PRKD1: variants seen among roughly 807,000 people sequenced by gnomAD.
PRKD1 encodes the protein serine/threonine-protein kinase D1.
A neutral mutation model predicts 95.9 loss-of-function variants in PRKD1; 63 were observed. The ratio of observed to expected loss-of-function variants is 0.66; its 90% CI spans 0.54 to 0.81. PRKD1 has a LOEUF of 0.81. PRKD1 is among the 30% of genes least tolerant of loss of function. The pLI is 0.00. For missense variants in PRKD1, 1,048 were observed against 1,165.3 expected, an observed-to-expected ratio of 0.90 and a Z score of 1.47; for synonymous variants, 425 against 423.1, an observed-to-expected ratio of 1.00 and a Z score of -0.05.
At chr14:29,853,002 AT>A (rs1343763658) in intron 1 of PRKD1, among the ~76,000 whole-genome samples, 1 of 152,206 alleles carries the variant, frequency 6.6e-6, no homozygotes, top group Non-Finnish European at 1.5e-5. Context: ...CTCACTTTAG[AT>A]TGAAAAACAC....
intron 1 of PRKD1, among the ~76,000 whole-genome samples, chr14:29,857,933 G>A (rs1017860254): frequency 1.3e-5 from 2 of 152,128 alleles, no homozygotes; most frequent in Non-Finnish European, 2.9e-5. Context: ...GAACCAGAGT[G>A]GAGTCTCCTA....
At chr14:29,837,039 T>C (rs1891636081) in intron 1 of PRKD1, among the ~76,000 whole-genome samples, 1 of 152,194 alleles carries the variant, frequency 6.6e-6, no homozygotes, top group Admixed American at 6.5e-5. Context: ...ATATACTTCC[T>C]TACCCAGTAA....
chr14:29,692,493 A>T (rs557744667), intron 2 of PRKD1, among the ~76,000 whole-genome samples: 2 of 152,246 alleles, frequency 1.3e-5, no homozygotes, highest in South Asian at 4.1e-4. Context: ...GCTTTTTAGG[A>T]AGGAATTGCT....
At chr14:29,705,913 T>C (rs988176699) in intron 2 of PRKD1, among the ~76,000 whole-genome samples, 6 of 152,150 alleles carry the variant, frequency 3.9e-5, no homozygotes, top group African/African-American at 9.6e-5. Flanking sequence ...TAATTAATAA[T>C]GCTACTATGA....
At chr14:29,887,689 C>A (rs999091040) in intron 1 of PRKD1, among the ~76,000 whole-genome samples, 1 of 152,076 alleles carries the variant, frequency 6.6e-6, no homozygotes, top group Non-Finnish European at 1.5e-5. Context: ...ATTGTAATAC[C>A]CTATTTTAAT....
chr14:29,845,153 G>T (rs948491568), intron 1 of PRKD1, among the ~76,000 whole-genome samples: 3 of 152,084 alleles, frequency 2.0e-5, no homozygotes, highest in African/African-American at 4.8e-5. Context: ...TACAATGCTG[G>T]ATAATATTTA....
At position 29,927,619 on chromosome 14, in the gene PRKD1, G is replaced by C; in HGVS notation, c.-107C>G. ...AGGAGCTTCTTTCTCCGAGAGCCCA[G>C]ACGGAAAATAAAAACTTTCCGGAAA... On this transcript the variant is annotated 5_prime_UTR_variant, in exon 1 of 18. Transcript: ENST00000331968. 1 of 920,030 alleles carries C rather than the reference G, an allele frequency of 1.1e-6. No homozygotes were observed. Among genetic ancestry groups the C allele is most frequent in the Non-Finnish European group, 1.3e-6 (1 of 754,018 alleles). 57.0% of individuals were successfully genotyped at this position (920,030 alleles called of 1,614,324 possible).
intron 1 of PRKD1, among the ~76,000 whole-genome samples, chr14:29,757,347 A>C (rs1887752486): frequency 6.6e-6 from 1 of 152,178 alleles, no homozygotes; most frequent in South Asian, 2.1e-4. Flanking sequence ...AGCTAAATGC[A>C]AGGTGCCAGG....
intron 2 of PRKD1, among the ~76,000 whole-genome samples, chr14:29,707,934 C>T (rs1885167240): frequency 6.6e-6 from 1 of 152,156 alleles, no homozygotes; most frequent in East Asian, 1.9e-4. Flanking sequence ...TCAAAAATAT[C>T]TGGCTAATGA....
At chr14:29,581,486 ATGTAAGTTGGTCAAAGTCAGACAGC>A (rs1298367544) in intron 16 of PRKD1, among the ~76,000 whole-genome samples, 2 of 152,120 alleles carry the variant, frequency 1.3e-5, no homozygotes, top group Non-Finnish European at 2.9e-5. Flanking sequence ...TCAAAAGGCC[ATGTAAGTTGGTCAAAGTCAGACAGC>A]TCCTAGGCAA....
intron 6 of PRKD1, among the ~76,000 whole-genome samples, chr14:29,637,031 C>G (rs943569171): frequency 5.3e-5 from 8 of 152,070 alleles, no homozygotes; most frequent in African/African-American, 1.2e-4. Context: ...TTTTCCCAAG[C>G]CTGAAAACAT....
chr14:29,624,581 A>T (rs1269682171), intron 12 of PRKD1, among the ~76,000 whole-genome samples: 5 of 152,152 alleles, frequency 3.3e-5, no homozygotes, highest in Non-Finnish European at 7.4e-5. Flanking sequence ...TATTTGTATC[A>T]CCACCAAATT....
intron 2 of PRKD1, among the ~76,000 whole-genome samples, chr14:29,682,316 A>C (rs1475949694): frequency 2.0e-5 from 3 of 152,208 alleles, no homozygotes; most frequent in Admixed American, 2.0e-4. Context: ...GTAGGAGAGA[A>C]GATACAAATG....
chr14:29,586,735 G>A (rs908297110), intron 16 of PRKD1, among the ~76,000 whole-genome samples: 2 of 152,072 alleles, frequency 1.3e-5, no homozygotes, highest in African/African-American at 4.8e-5. Flanking sequence ...TCTGCCTCCA[G>A]GGTTCAAGCA....
At chr14:29,806,181 A>G (rs1259621817) in intron 1 of PRKD1, among the ~76,000 whole-genome samples, 1 of 152,240 alleles carries the variant, frequency 6.6e-6, no homozygotes, top group African/African-American at 2.4e-5. Context: ...AACAAGAGCC[A>G]TGATTATTCC....
chr14:29,839,996 A>G (rs948624324), intron 1 of PRKD1, among the ~76,000 whole-genome samples: 5 of 151,934 alleles, frequency 3.3e-5, no homozygotes, highest in Non-Finnish European at 7.4e-5. Context: ...ACATTTTCCC[A>G]TTGTCCTGGG....
chr14:29,643,207 T>C (rs1880910524), intron 4 of PRKD1, among the ~76,000 whole-genome samples: 1 of 152,172 alleles, frequency 6.6e-6, no homozygotes, highest in Non-Finnish European at 1.5e-5. Context: ...GATAGATGCA[T>C]ATAAATGATT....
chr14:29,693,161 T>G (rs1884330938), intron 2 of PRKD1, among the ~76,000 whole-genome samples: 1 of 152,150 alleles, frequency 6.6e-6, no homozygotes, highest in Non-Finnish European at 1.5e-5. Flanking sequence ...ATTCTGGTAT[T>G]CTTACTAACT....
intron 1 of PRKD1, among the ~76,000 whole-genome samples, chr14:29,730,124 A>G (rs1242609004): frequency 6.6e-6 from 1 of 152,094 alleles, no homozygotes; most frequent in African/African-American, 2.4e-5. Context: ...CAATAGCAAG[A>G]AAACAAATAA....
Sources: allele counts gnomAD v4.1 joint callset (sites outside exome capture counted in the v4.1 genomes callset), GRCh38; gene constraint gnomAD v4.1.1; transcripts MANE v1.5; gene names NCBI Gene and HGNC (gene_info 2026-07-23, HGNC 2026-07-21).